NBPF11: variants seen among roughly 807,000 people sequenced by gnomAD.
NBPF11 encodes NBPF member 11.
In NBPF11, 72 loss-of-function variants were observed where a neutral mutation model predicts 93.9. The ratio of observed to expected loss-of-function variants is 0.77; its 90% CI spans 0.63 to 0.93. NBPF11 has a LOEUF of 0.93. Among genes scored for constraint, NBPF11 ranks in the 40% least tolerant of loss-of-function variants. The probability of loss-of-function intolerance (pLI) is 0.00; values close to 1 mark genes in which losing one functional copy is unlikely to be tolerated. For missense variants in NBPF11, 705 were observed against 802.2 expected (o/e 0.88, Z 1.46); for synonymous variants, 224 against 304.9 (o/e 0.73, Z 2.76).
chr1:148,129,479 G>A (rs1172293380), intron 4 of NBPF11: 5 of 152,762 alleles, frequency 3.3e-5, no homozygotes, highest in African/African-American at 7.3e-5. Flanking sequence ...GCAACGCAAA[G>A]GCCAGGTGGA....
In NBPF11 at chr1:148,105,564, G is replaced by A; in HGVS notation, c.2304-36C>T. 5.5e-6 allele frequency: 4 copies of A among 722,428 alleles called. 1 individual carries two copies. Among genetic ancestry groups the A allele is most frequent in the Non-Finnish European group, 9.9e-6 (4 of 403,168 alleles). 44.8% of individuals were successfully genotyped at this position (722,428 alleles called of 1,614,324 possible). The stretch of plus-strand genomic sequence containing the variant: ...AGGAAAAAGTAAAGAATAAGCCAGG[G>A]GAAATCACACACAACAGAGCCCCAA... On this transcript the variant is annotated intron_variant, in intron 21 of 23. Coordinates refer to ENST00000682118, the MANE Select transcript of NBPF11 (RefSeq NM_001385469.3).
intron 1 of NBPF11, among the ~76,000 whole-genome samples, chr1:148,151,347 C>T (rs1648264979): frequency 6.6e-6 from 1 of 151,950 alleles, no homozygotes; most frequent in Non-Finnish European, 1.5e-5. Flanking sequence ...CAATAAAGAC[C>T]CCAACTTTGC....
chr1:148,132,557 A>G (rs1422225463), intron 4 of NBPF11, among the ~76,000 whole-genome samples: 1 of 149,642 alleles, frequency 6.7e-6, no homozygotes, highest in Non-Finnish European at 1.5e-5. Flanking sequence ...TTAGAATTGC[A>G]TTGGATCTGG....
chr1:148,126,482 C>T (rs1245209962), intron 5 of NBPF11, among the ~76,000 whole-genome samples: 1 of 151,758 alleles, frequency 6.6e-6, no homozygotes, highest in Non-Finnish European at 1.5e-5. Flanking sequence ...GTTCACTAGT[C>T]CTAGACATTT....
At chr1:148,122,706 T>G in intron 8 of NBPF11, 23 bp downstream of exon 8, 6 of 1,608,048 alleles carry the variant, frequency 3.7e-6, no homozygotes, top group Non-Finnish European at 5.1e-6. Flanking sequence ...ACCCATTACT[T>G]GCTCCTGAGT....
intron 11 of NBPF11, 86 bp downstream of exon 11, chr1:148,118,534 T>G: frequency 8.0e-7 from 1 of 1,253,444 alleles, no homozygotes; most frequent in Non-Finnish European, 1.2e-6. Context: ...CTGGCCCAGC[T>G]TAGCTCTTAC....
chr1:148,120,684 T>C lies in NBPF11; in HGVS notation c.805A>G (p.Asn269Asp), dbSNP rs1305508081. ...CCGGCTGATACCACCATGCTGACGTTTGTGGCAGAAGAGGTGGGGCCAGGG... is the reference window on the plus strand; with the variant it reads ...CCGGCTGATACCACCATGCTGACGTCTGTGGCAGAAGAGGTGGGGCCAGGG... Reference protein sequence around the residue: ...PVPGPTSSATNVSMVVSAGPL... With the variant: ...PVPGPTSSATDVSMVVSAGPL... Residue 269 changes from asparagine to aspartate, a missense_variant, in exon 10 of 24, where the codon AAC (asparagine) becomes GAC (aspartate). This residue lies in a region of NBPF11 where 262 missense variants were observed against 223.1 expected (regional missense o/e 1.17). Coordinates refer to ENST00000682118, the MANE Select transcript of NBPF11 (RefSeq NM_001385469.3). 1.6e-5 allele frequency: 24 copies of C among 1,535,276 alleles called. No homozygotes were observed. In the Admixed American group the frequency reaches 3.7e-4, roughly 24 times the overall value.
rs1667617689 is a variant in NBPF11 at position 148,120,686 on chromosome 1, G to A, written c.803C>T (p.Thr268Ile). 2 of 1,533,784 alleles carry A rather than the reference G, an allele frequency of 1.3e-6. No homozygotes were observed. Among genetic ancestry groups the A allele is most frequent in the Admixed American group, 1.7e-5 (1 of 59,902 alleles). Residue 268 changes from threonine to isoleucine, a missense_variant, in exon 10 of 24, where the codon ACA (threonine) becomes ATA (isoleucine). This residue lies in a region of NBPF11 where 262 missense variants were observed against 223.1 expected (regional missense o/e 1.17). Transcript: ENST00000682118. ...LPVPGPTSSA[T>I]NVSMVVSAGP... ...GGCTGATACCACCATGCTGACGTTT[G>A]TGGCAGAAGAGGTGGGGCCAGGGAC... is the stretch of plus-strand genomic sequence containing the variant.
At chr1:148,133,579 T>G (rs1417527304) in intron 4 of NBPF11, among the ~76,000 whole-genome samples, 1 of 152,128 alleles carries the variant, frequency 6.6e-6, no homozygotes, top group Non-Finnish European at 1.5e-5. Context: ...TTTTACTGTG[T>G]ATGACCACGT....
chr1:148,133,620 A>G (rs1670793879), intron 4 of NBPF11, among the ~76,000 whole-genome samples: 1 of 152,004 alleles, frequency 6.6e-6, no homozygotes, highest in East Asian at 1.9e-4. Flanking sequence ...TTGCCCTGGT[A>G]ATATATAAAA....
At chr1:148,125,176 C>A (rs1371256290) in intron 5 of NBPF11, among the ~76,000 whole-genome samples, 175 bp from the exon 6 acceptor site, 5 of 151,982 alleles carry the variant, frequency 3.3e-5, no homozygotes, top group African/African-American at 1.2e-4. Context: ...GGCATCTGAT[C>A]CTCCAAAATT....
At chr1:148,146,333 C>A (rs1392066943) in intron 1 of NBPF11, 1 of 1,405,138 alleles carries the variant, frequency 7.1e-7, no homozygotes, top group East Asian at 2.9e-5. Flanking sequence ...CCCTGCCGGG[C>A]CAGGCCGGGC....
intron 3 of NBPF11, among the ~76,000 whole-genome samples, chr1:148,136,937 C>G (rs1357312916): frequency 0.16 from 24,001 of 151,662 alleles, 2,157 homozygotes; most frequent in East Asian, 0.28. Context: ...TCATGTTGAA[C>G]TAATGCTTTA....
Position 148,108,471 on chromosome 1 carries a change from A to T in NBPF11, c.2026+11T>A. The T allele has an allele frequency of 6.6e-7, 1 of 1,508,626 alleles. No homozygotes were observed. 93.5% of individuals were successfully genotyped at this position (1,508,626 alleles called of 1,614,324 possible). On this transcript the variant is annotated intron_variant, in intron 18 of 23. Transcript: ENST00000682118. ...AGTGGATCCTTATCACCTTCATAGA[A>T]AGGTACTCACCATCCATGTCAACAG...
At position 148,108,586 on chromosome 1, in the gene NBPF11, G is replaced by T. The variant is rs1553267861; in HGVS notation, c.1922C>A (p.Ser641Ter). 1 of 1,574,072 alleles carries T rather than the reference G, an allele frequency of 6.4e-7. No individual in the cohort carries two copies. Among genetic ancestry groups the T allele is most frequent in the Admixed American group, 1.7e-5 (1 of 59,912 alleles). The change falls in exon 18 of 24, where the codon TCA (serine) becomes TAA (stop). Residue 641 changes from serine (S) to a stop codon, truncating the protein, a stop_gained. Transcript: ENST00000682118. LOFTEE classifies it high-confidence loss of function. The stretch of plus-strand genomic sequence containing the variant: ...CAGTCCAAGATAAACTGAAGGAGTT[G>T]AATAACATCTATCCAGTGAGTCCTG... ...VLQDSLDRCY[S>*]TPSVYLGLTD...
At chr1:148,108,244 A>T (rs1415928593) in intron 18 of NBPF11, among the ~76,000 whole-genome samples, 5 of 151,562 alleles carry the variant, frequency 3.3e-5, no homozygotes, top group Non-Finnish European at 7.4e-5. Context: ...CAACATCTTG[A>T]GAGTAGGATT....
chr1:148,124,360 TC>T (rs1668585733), intron 6 of NBPF11, among the ~76,000 whole-genome samples: 1 of 150,892 alleles, frequency 6.6e-6, no homozygotes, highest in Non-Finnish European at 1.5e-5. Flanking sequence ...TCCTTTCAGT[TC>T]CTCACTCTGG....
Position 148,118,719 on chromosome 1 carries a change from T to C in NBPF11, c.992A>G (p.Tyr331Cys). ...TTTTATGAGGTCTTTGCACTCTTCA[T>C]ATTCTGAGAAAAGACAGACACGCCT... Reference protein sequence around the residue: ...FLAKQQNKYKYEECKDLIKSM... With the variant: ...FLAKQQNKYKCEECKDLIKSM... Residue 331 changes from tyrosine (Y) to cysteine (C), a missense_variant, in exon 11 of 24, where the codon TAT (tyrosine) becomes TGT (cysteine). By Grantham distance (194) the Tyr-to-Cys change is radical. Transcript: ENST00000682118. The C allele has an allele frequency of 1.2e-6, 2 of 1,612,036 alleles. No individual in the cohort carries two copies. Among genetic ancestry groups the C allele is most frequent in the African/African-American group, 1.3e-5 (1 of 74,524 alleles).
chr1:148,146,147 G>A (rs1163180728), intron 1 of NBPF11, among the ~76,000 whole-genome samples: 1 of 151,664 alleles, frequency 6.6e-6, no homozygotes, highest in African/African-American at 2.4e-5. Context: ...CCGGGGGCGC[G>A]GGCCGGGGTG....
Sources: gnomAD v4.1 joint callset for allele counts (sites outside exome capture counted in the v4.1 genomes callset) on GRCh38, gnomAD v4.1.1 for gene constraint, gnomAD v4.1.1 regional missense constraint, MANE v1.5 for transcripts, NCBI Gene and HGNC (gene_info 2026-07-23, HGNC 2026-07-21) for gene names.